NDUFAF2: variants seen among roughly 807,000 people sequenced by gnomAD.
NDUFAF2 encodes NADH dehydrogenase [ubiquinone] 1 alpha subcomplex assembly factor 2.
NDUFAF2 carries 13 observed loss-of-function variants against 22.8 expected under a neutral mutation model. That is an observed-to-expected ratio of 0.57 (90% CI 0.37 to 0.91). The LOEUF (loss-of-function observed/expected upper bound fraction) is 0.91, where lower values mean the gene tolerates loss of function less well. Ranked by LOEUF, NDUFAF2 falls within the 40% of genes least tolerant of loss-of-function variation. The pLI is 0.01. For missense variants in NDUFAF2, 162 were observed against 195.2 expected, an observed-to-expected ratio of 0.83 and a Z score of 1.01; for synonymous variants, 53 against 64.2, an observed-to-expected ratio of 0.83 and a Z score of 0.84.
At chr5:61,143,875 A>G (rs1320896167) in intron 3 of NDUFAF2, among the ~76,000 whole-genome samples, 2 of 152,058 alleles carry the variant, frequency 1.3e-5, no homozygotes, top group East Asian at 3.8e-4. Flanking sequence ...ATTCACAAGT[A>G]CTTGAAGCTA....
chr5:61,024,674 T>G (rs1401997389), intron 1 of NDUFAF2, among the ~76,000 whole-genome samples: 1 of 152,136 alleles, frequency 6.6e-6, no homozygotes, highest in Non-Finnish European at 1.5e-5. Context: ...GAGGCTTGTA[T>G]TCTTAATCAT....
At chr5:61,057,731 G>A (rs1403853693) in intron 1 of NDUFAF2, among the ~76,000 whole-genome samples, 1 of 152,020 alleles carries the variant, frequency 6.6e-6, no homozygotes, top group Non-Finnish European at 1.5e-5. Flanking sequence ...ATTGGCATCC[G>A]AGACTTTTAC....
intron 1 of NDUFAF2, among the ~76,000 whole-genome samples, chr5:61,026,395 T>C (rs1424942348): frequency 2.0e-5 from 3 of 152,082 alleles, no homozygotes; most frequent in African/African-American, 7.2e-5. Flanking sequence ...GTTTAATTGA[T>C]TTTAACTAAA....
chr5:60,952,255 T>C (rs867442434), intron 1 of NDUFAF2, among the ~76,000 whole-genome samples: 3 of 151,982 alleles, frequency 2.0e-5, no homozygotes, highest in African/African-American at 7.2e-5. Context: ...CTGCTTTCAA[T>C]TGGTTTTATA....
At chr5:61,110,724 G>A (rs1752830070) in intron 3 of NDUFAF2, among the ~76,000 whole-genome samples, 1 of 151,614 alleles carries the variant, frequency 6.6e-6, no homozygotes, top group South Asian at 2.1e-4. Context: ...TCTTAATCTG[G>A]CTAAAAGTTT....
At chr5:61,150,361 T>G (rs1741212995) in intron 3 of NDUFAF2, among the ~76,000 whole-genome samples, 1 of 152,226 alleles carries the variant, frequency 6.6e-6, no homozygotes, top group Non-Finnish European at 1.5e-5. Flanking sequence ...AGGAAATTCT[T>G]TTTTAGGAAA....
chr5:61,147,423 A>ATTTTTTTTTTTTTTTTTTTTTT (rs1036796067), intron 3 of NDUFAF2, among the ~76,000 whole-genome samples: 1 of 54,018 alleles, frequency 1.9e-5, no homozygotes, highest in Non-Finnish European at 4.0e-5. Flanking sequence ...TAATTTTTGT[A>ATTTTTTTTTTTTTTTTTTTTTT]TTTTTTTTTC....
intron 1 of NDUFAF2, among the ~76,000 whole-genome samples, chr5:61,057,603 G>A (rs1161056271): frequency 6.6e-6 from 1 of 152,098 alleles, no homozygotes; most frequent in African/African-American, 2.4e-5. Context: ...TGTAAGGGGA[G>A]GGGAGAAAAG....
chr5:61,131,627 C>G (rs1753112802), intron 3 of NDUFAF2, among the ~76,000 whole-genome samples: 1 of 151,852 alleles, frequency 6.6e-6, no homozygotes, highest in Non-Finnish European at 1.5e-5. Context: ...CAATGGAATA[C>G]TAACTAGTAT....
chr5:61,061,150 T>C (rs968713621), intron 1 of NDUFAF2, among the ~76,000 whole-genome samples: 6 of 152,170 alleles, frequency 3.9e-5, no homozygotes, highest in African/African-American at 1.4e-4. Flanking sequence ...CTTTAAATAA[T>C]ATCTTGCGCA....
intron 1 of NDUFAF2, among the ~76,000 whole-genome samples, chr5:61,061,128 T>C (rs1752160001): frequency 1.3e-5 from 2 of 152,182 alleles, no homozygotes; most frequent in African/African-American, 4.8e-5. Context: ...AGAAATCTTA[T>C]TTCTAACCAT....
chr5:61,047,064 A>G (rs954334649), intron 1 of NDUFAF2, among the ~76,000 whole-genome samples: 1 of 152,014 alleles, frequency 6.6e-6, no homozygotes, highest in Non-Finnish European at 1.5e-5. Flanking sequence ...ATCAGGACTT[A>G]CTCTTGCTCA....
chr5:60,980,878 A>T (rs1750967689), intron 1 of NDUFAF2, among the ~76,000 whole-genome samples: 1 of 152,162 alleles, frequency 6.6e-6, no homozygotes, highest in Non-Finnish European at 1.5e-5. Context: ...ATTTAAAAAT[A>T]TACGGTCAAA....
At chr5:61,044,213 A>G (rs963595382) in intron 1 of NDUFAF2, among the ~76,000 whole-genome samples, 3 of 148,664 alleles carry the variant, frequency 2.0e-5, no homozygotes, top group Admixed American at 6.7e-5. Flanking sequence ...TTTTTTTTTT[A>G]CTGTTGAATG....
intron 2 of NDUFAF2, among the ~76,000 whole-genome samples, chr5:61,098,472 C>T (rs978224782): frequency 6.6e-6 from 1 of 152,198 alleles, no homozygotes; most frequent in Admixed American, 6.5e-5. Flanking sequence ...CTCTGCAGCC[C>T]ATCTGCCAAG....
intron 1 of NDUFAF2, among the ~76,000 whole-genome samples, chr5:60,950,153 G>A (rs1166943816): frequency 6.6e-6 from 1 of 151,916 alleles, no homozygotes; most frequent in African/African-American, 2.4e-5. Flanking sequence ...TCTTTTTCTT[G>A]TTCCATATCT....
chr5:61,142,540 G>T (rs1741074420), intron 3 of NDUFAF2, among the ~76,000 whole-genome samples: 1 of 152,202 alleles, frequency 6.6e-6, no homozygotes, highest in African/African-American at 2.4e-5. Flanking sequence ...ACAAAACTCA[G>T]TGTACATTCT....
At chr5:61,129,214 C>A (rs1175605930) in intron 3 of NDUFAF2, among the ~76,000 whole-genome samples, 3 of 152,146 alleles carry the variant, frequency 2.0e-5, no homozygotes, top group Non-Finnish European at 4.4e-5. Flanking sequence ...ACTAGTTCAA[C>A]CATTGTGGAA....
At chr5:61,092,001 T>C (rs1342929663) in intron 2 of NDUFAF2, among the ~76,000 whole-genome samples, 1 of 152,198 alleles carries the variant, frequency 6.6e-6, no homozygotes, top group African/African-American at 2.4e-5. Context: ...CAGATAGCTG[T>C]AGGTGTGCAG....
Sources: allele counts gnomAD v4.1 joint callset (sites outside exome capture counted in the v4.1 genomes callset), GRCh38; gene constraint gnomAD v4.1.1; transcripts MANE v1.5; gene names NCBI Gene and HGNC (gene_info 2026-07-23, HGNC 2026-07-21).